ADGRL3: variants seen among roughly 807,000 people sequenced by gnomAD.
ADGRL3 encodes adhesion G protein-coupled receptor L3.
In ADGRL3, 62 loss-of-function variants were observed where a neutral mutation model predicts 153.5. The observed-to-expected ratio is 0.40, with a 90% CI of 0.33 to 0.50. The LOEUF (loss-of-function observed/expected upper bound fraction) is 0.50. Among genes scored for constraint, ADGRL3 ranks in the 20% least tolerant of loss-of-function variants. ADGRL3 has a pLI of 0.47. For synonymous variants in ADGRL3, 710 were observed against 672.5 expected (o/e 1.06, Z -0.86); for missense variants, 1,641 against 1,859.4 (o/e 0.88, Z 2.16).
At chr4:61,460,172 T>C (rs949606043) in intron 2 of ADGRL3, among the ~76,000 whole-genome samples, 2 of 152,132 alleles carry the variant, frequency 1.3e-5, no homozygotes, top group Admixed American at 1.3e-4. Context: ...CCTGAAGCAT[T>C]TCCCCTATGT....
At chr4:61,424,920 G>T (rs72636129) in intron 2 of ADGRL3, among the ~76,000 whole-genome samples, 1 of 152,190 alleles carries the variant, frequency 6.6e-6, no homozygotes, top group Non-Finnish European at 1.5e-5. Flanking sequence ...AGTTGTGTGG[G>T]CATCTAGGCA....
chr4:61,912,807 G>A (rs944053650), intron 13 of ADGRL3, 50 bp downstream of exon 13: 1 of 1,528,968 alleles, frequency 6.5e-7, no homozygotes. Context: ...TGTCTCTGTT[G>A]TGATGGCATG....
At chr4:61,786,081 T>C (rs2097272778) in intron 8 of ADGRL3, among the ~76,000 whole-genome samples, 3 of 152,172 alleles carry the variant, frequency 2.0e-5, no homozygotes, top group Admixed American at 2.0e-4. Flanking sequence ...GACAGTTATA[T>C]ATACTAGCTG....
intron 1 of ADGRL3, among the ~76,000 whole-genome samples, chr4:61,382,842 A>G (rs1396032213): frequency 6.6e-6 from 1 of 151,832 alleles, no homozygotes; most frequent in Admixed American, 6.6e-5. Context: ...TATATTAAAA[A>G]CTGTTATAGT....
At chr4:61,947,695 A>G (rs190502969) in intron 16 of ADGRL3, among the ~76,000 whole-genome samples, 66 of 152,308 alleles carry the variant, frequency 4.3e-4, no homozygotes, top group African/African-American at 1.5e-3. Flanking sequence ...TCAAGCAATT[A>G]TGTCCACGTG....
intron 1 of ADGRL3, among the ~76,000 whole-genome samples, chr4:61,291,581 T>TATATAC (rs1456755460): frequency 4.3e-5 from 2 of 46,860 alleles, no homozygotes; most frequent in African/African-American, 1.2e-4. Context: ...TATATATATA[T>TATATAC]ACATATATAT....
At chr4:61,621,565 C>T (rs1365216002) in intron 5 of ADGRL3, among the ~76,000 whole-genome samples, 3 of 151,824 alleles carry the variant, frequency 2.0e-5, no homozygotes, top group Admixed American at 6.6e-5. Context: ...GTGTTAACAC[C>T]TTGATCCTCT....
At chr4:61,255,004 T>C (rs900790551) in intron 1 of ADGRL3, among the ~76,000 whole-genome samples, 2 of 152,192 alleles carry the variant, frequency 1.3e-5, no homozygotes, top group African/African-American at 4.8e-5. Context: ...TGTACTTTTT[T>C]CATCACTGAA....
Position 61,454,013 on chromosome 4 carries a change from A to G in ADGRL3, c.-173-43108A>G, listed in dbSNP as rs2097705939. On this transcript the variant is annotated intron_variant, in intron 2 of 26. Coordinates refer to ENST00000683033, the MANE Select transcript of ADGRL3 (RefSeq NM_001387552.1). ...TGTCATTGTTCAGTTGTTCATTGTA[A>G]TTGAATTAGTTTGGGTAATCCATTT... is the stretch of plus-strand genomic sequence containing the variant. Among the ~76,000 whole-genome samples the G allele has an allele frequency of 2.6e-5, 4 of 152,058 alleles. No individual in the cohort carries two copies. In the South Asian group the frequency reaches 8.3e-4, roughly 31 times the overall value.
At chr4:61,285,572 C>T (rs1477652353) in intron 1 of ADGRL3, among the ~76,000 whole-genome samples, 2 of 151,664 alleles carry the variant, frequency 1.3e-5, no homozygotes, top group Non-Finnish European at 2.9e-5. Context: ...TAAAATACGG[C>T]GATTCAAGAC....
chr4:61,698,192 C>T (rs1351835875), intron 6 of ADGRL3, among the ~76,000 whole-genome samples: 1 of 152,128 alleles, frequency 6.6e-6, no homozygotes, highest in Non-Finnish European at 1.5e-5. Context: ...TGGCTCATGC[C>T]TGTAATCCTA....
At chr4:62,061,833 A>C (rs1316846597) in intron 25 of ADGRL3, among the ~76,000 whole-genome samples, 1 of 151,978 alleles carries the variant, frequency 6.6e-6, no homozygotes, top group African/African-American at 2.4e-5. Flanking sequence ...ATGGTATGGG[A>C]ATACTACAGA....
chr4:61,754,945 G>T (rs531632920), intron 8 of ADGRL3, among the ~76,000 whole-genome samples: 4 of 152,222 alleles, frequency 2.6e-5, no homozygotes, highest in African/African-American at 7.2e-5. Context: ...CAAAGGACAT[G>T]AACTCATCAT....
chr4:61,382,212 T>A (rs2096677412), intron 1 of ADGRL3, among the ~76,000 whole-genome samples: 1 of 151,626 alleles, frequency 6.6e-6, no homozygotes, highest in Non-Finnish European at 1.5e-5. Context: ...TTACTTAACC[T>A]CCTGATTGCA....
intron 2 of ADGRL3, among the ~76,000 whole-genome samples, chr4:61,406,568 A>T (rs570764419): frequency 2.0e-5 from 3 of 151,712 alleles, no homozygotes; most frequent in South Asian, 4.2e-4. Context: ...ACTAAGTGGG[A>T]TGTTATGTCA....
chr4:61,820,406 A>C (rs1176468967), intron 9 of ADGRL3, among the ~76,000 whole-genome samples: 1 of 152,146 alleles, frequency 6.6e-6, no homozygotes, highest in Non-Finnish European at 1.5e-5. Context: ...ATCACAATAC[A>C]TTACAAGGTA....
At chr4:61,353,003 A>G (rs971028964) in intron 1 of ADGRL3, among the ~76,000 whole-genome samples, 15 of 152,096 alleles carry the variant, frequency 9.9e-5, no homozygotes, top group Non-Finnish European at 1.9e-4. Flanking sequence ...CTTTATATCT[A>G]TTTGGCCCGA....
chr4:61,448,903 G>GAAGGAAGGAAGGAAGA, intron 2 of ADGRL3, among the ~76,000 whole-genome samples: 1 of 135,894 alleles, frequency 7.4e-6, no homozygotes, highest in Non-Finnish European at 1.6e-5. Context: ...GGGAGGGAGG[G>GAAGGAAGGAAGGAAGA]AGGGGAACTA....
intron 8 of ADGRL3, among the ~76,000 whole-genome samples, chr4:61,748,340 C>G (rs2096701547): frequency 1.3e-5 from 2 of 152,078 alleles, no homozygotes; most frequent in South Asian, 4.1e-4. Context: ...ACTTTCTCCA[C>G]AGAACTGGAA....
Sources: allele counts gnomAD v4.1 joint callset (sites outside exome capture counted in the v4.1 genomes callset), GRCh38; gene constraint gnomAD v4.1.1; transcripts MANE v1.5; gene names NCBI Gene and HGNC (gene_info 2026-07-23, HGNC 2026-07-21).